Variants in TAF8 observed in about 807,000 individuals in gnomAD.
TAF8 encodes TATA-box binding protein associated factor 8.
Under a neutral mutation model 36.5 loss-of-function variants are expected in TAF8, and 47 were observed. The observed-to-expected ratio is 1.29, with a 90% CI of 1.02 to 1.64. The LOEUF is 1.64. Among genes scored for constraint, TAF8 ranks in the 40% most tolerant of loss-of-function variants. TAF8 has a pLI of 0.00. For synonymous variants in TAF8, 175 were observed against 159.5 expected, an observed-to-expected ratio of 1.10 and a Z score of -0.73; for missense variants, 420 against 407.6, an observed-to-expected ratio of 1.03 and a Z score of -0.26.
At chr6:42,066,482 G>T in intron 6 of TAF8, 23 bp downstream of exon 6, 1 of 1,612,966 alleles carries the variant, frequency 6.2e-7, no homozygotes, top group Non-Finnish European at 8.5e-7. Flanking sequence ...CCACTGTGTG[G>T]ACCCTGTCTT....
chr6:42,055,158 A>G (rs1238914452), intron 2 of TAF8, among the ~76,000 whole-genome samples: 1 of 152,040 alleles, frequency 6.6e-6, no homozygotes, highest in Admixed American at 6.6e-5. Flanking sequence ...TCCTGACCTC[A>G]GGTGATCCAC....
At position 42,062,203 on chromosome 6, in the gene TAF8, AT is replaced by A. The variant is rs199874396; in HGVS notation, c.490-4105del. ...TGTTAAAGCTAGTTTTTTAAATAAA[AT>A]TTTATATCTCTACCCAGTTTTAATT... On this transcript the variant is annotated intron_variant, in intron 5 of 8. Coordinates refer to ENST00000372977, the MANE Select transcript of TAF8 (RefSeq NM_138572.3). 7.4e-3 allele frequency among the ~76,000 whole-genome samples: 1,123 copies of A among 152,294 alleles called. 12 individuals are homozygous for A. Among genetic ancestry groups the A allele is most frequent in the African/African-American group, 0.026 (1,062 of 41,560 alleles).
At chr6:42,070,440 C>A (rs1765526355) in intron 7 of TAF8, among the ~76,000 whole-genome samples, 1 of 152,196 alleles carries the variant, frequency 6.6e-6, no homozygotes, top group Non-Finnish European at 1.5e-5. Context: ...TGGCGTGAGC[C>A]AAGATCGCGC....
chr6:42,073,761 G>GCGC, intron 7 of TAF8, among the ~76,000 whole-genome samples: 1 of 152,120 alleles, frequency 6.6e-6, no homozygotes, highest in East Asian at 1.9e-4. Flanking sequence ...GTTGTGGGAG[G>GCGC]GCGTGGAGCA....
chr6:42,066,247 G>A (rs1474257007), intron 5 of TAF8, 65 bp from the exon 6 acceptor site: 2 of 1,593,474 alleles, frequency 1.3e-6, no homozygotes, highest in East Asian at 2.2e-5. Context: ...CAGCAAGCCA[G>A]GGAGCTGATG....
chr6:42,070,669 G>A (rs1765533983), intron 7 of TAF8, among the ~76,000 whole-genome samples: 2 of 152,192 alleles, frequency 1.3e-5, no homozygotes, highest in South Asian at 4.1e-4. Flanking sequence ...TGATGCAGTG[G>A]TAACTAAAAG....
intron 7 of TAF8, chr6:42,071,311 CTTTTTTTTTTTTTTT>C (rs70987566): frequency 0.52 from 63,340 of 122,272 alleles, 16,122 homozygotes; most frequent in East Asian, 0.62. Context: ...CCTGGACATA[CTTTTTTTTTTTTTTT>C]TTTTTTTTTT....
At chr6:42,057,332 A>C (rs1330848346) in intron 4 of TAF8, 57 bp from the exon 5 acceptor site, 1 of 1,611,994 alleles carries the variant, frequency 6.2e-7, no homozygotes, top group Non-Finnish European at 8.5e-7. Flanking sequence ...GAGAGACCAT[A>C]ATCTGTAGAA....
At chr6:42,077,061 G>A (rs371774055) in intron 7 of TAF8, 39 bp from the exon 8 acceptor site, 22 of 1,586,918 alleles carry the variant, frequency 1.4e-5, no homozygotes, top group African/African-American at 2.7e-5. Flanking sequence ...CTTTCCTTAT[G>A]CTGTTGATGT....
At position 42,055,573 on chromosome 6, in the gene TAF8, A is replaced by G; in HGVS notation, c.245A>G (p.His82Arg). ...IGRSAKSYCE[H>R]TARTQPTLSD... ...AGAAGTGCCAAGTCTTACTGTGAGC[A>G]CACAGCCAGGACCCAGCCCACACTG... The change falls in exon 3 of 9, where the codon CAC becomes CGC. Residue 82 changes from histidine (H) to arginine (R), a missense_variant. By Grantham distance (29) the His-to-Arg change is conservative (BLOSUM62 0). Transcript: ENST00000372977. 1 of 1,614,216 alleles carries G rather than the reference A, an allele frequency of 6.2e-7. No individual in the cohort carries two copies. Among genetic ancestry groups the G allele is most frequent in the Non-Finnish European group, 8.5e-7 (1 of 1,180,038 alleles).
chr6:42,086,698 T>C (rs1241246060), downstream of TAF8: 1 of 1,551,184 alleles, frequency 6.4e-7, no homozygotes, highest in Non-Finnish European at 8.7e-7. Flanking sequence ...AAAGCGGTTT[T>C]TTTCACCCTA....
At chr6:42,067,218 A>G (rs551377406) in intron 6 of TAF8, among the ~76,000 whole-genome samples, 1 of 152,232 alleles carries the variant, frequency 6.6e-6, no homozygotes, top group East Asian at 1.9e-4. Context: ...ATAATTCTGG[A>G]GTTTTTGTGG....
At chr6:42,064,997 A>AAGAGT (rs1242888985) in intron 5 of TAF8, among the ~76,000 whole-genome samples, 2 of 149,310 alleles carry the variant, frequency 1.3e-5, no homozygotes, top group African/African-American at 2.5e-5. Flanking sequence ...CAGTATCATG[A>AAGAGT]AGAGTAGTTA....
intron 2 of TAF8, among the ~76,000 whole-genome samples, chr6:42,054,960 C>T (rs1452510119): frequency 2.1e-5 from 3 of 141,762 alleles, no homozygotes; most frequent in African/African-American, 5.3e-5. Context: ...AAGGAGTTCT[C>T]ACTCTGTCGC....
At chr6:42,085,134 G>A (rs143928275), downstream of TAF8, among the ~76,000 whole-genome samples, 273 of 152,196 alleles carry the variant, frequency 1.8e-3, 2 homozygotes, top group African/African-American at 5.9e-3. Flanking sequence ...ATACATGAAT[G>A]GTAGCATACT....
At chr6:42,070,677 AAG>A (rs1471825985) in intron 7 of TAF8, among the ~76,000 whole-genome samples, 1 of 152,186 alleles carries the variant, frequency 6.6e-6, no homozygotes, top group Non-Finnish European at 1.5e-5. Flanking sequence ...TGGTAACTAA[AAG>A]GGGGAAAATG....
rs1335548405 is a variant in TAF8, at chr6:42,079,475, A to AGT, written c.*1932_*1933dup. 36 of 985,348 alleles carry AGT rather than the reference A, an allele frequency of 3.7e-5. No homozygotes were observed. Among genetic ancestry groups the AGT allele is most frequent in the Non-Finnish European group, 4.3e-5 (36 of 829,946 alleles). The allele number at this position is 985,348 out of a possible 1,614,324, so 61.0% of individuals were successfully genotyped here. Reference sequence around the variant, plus strand: ...GAAGAAAAATGTAACAACACGTGGAAGTGAACACTGGATGAATAAGCTTGT... The same window carrying AGT: ...GAAGAAAAATGTAACAACACGTGGAAGTGTGAACACTGGATGAATAAGCTTGT... On this transcript the variant is annotated 3_prime_UTR_variant, in exon 9 of 9. Transcript: ENST00000372977.
intron 5 of TAF8, among the ~76,000 whole-genome samples, chr6:42,062,032 CTG>C (rs1765208038): frequency 6.6e-6 from 1 of 152,170 alleles, no homozygotes. Context: ...CCAACTGAAT[CTG>C]TCTCTTCTCT....
At chr6:42,060,632 C>T (rs542622954) in intron 5 of TAF8, among the ~76,000 whole-genome samples, 3 of 152,228 alleles carry the variant, frequency 2.0e-5, no homozygotes, top group African/African-American at 7.2e-5. Context: ...GAACCTTGTA[C>T]AGAGACTCTG....
Sources: allele counts gnomAD v4.1 joint callset (sites outside exome capture counted in the v4.1 genomes callset), GRCh38; gene constraint gnomAD v4.1.1; transcripts MANE v1.5; gene names NCBI Gene and HGNC (gene_info 2026-07-23, HGNC 2026-07-21).